Variants in STAG1 observed in about 807,000 individuals in gnomAD.
STAG1 encodes the protein STAG1 cohesin complex component, also known as cohesin subunit SA-1.
In STAG1, 26 loss-of-function variants were observed where a neutral mutation model predicts 170.9. The observed-to-expected ratio is 0.15, with a 90% CI of 0.11 to 0.21. The LOEUF (loss-of-function observed/expected upper bound fraction) is 0.21, where lower values mean the gene tolerates loss of function less well. Among genes scored for constraint, STAG1 ranks in the 10% least tolerant of loss-of-function variants. STAG1 has a pLI of 1.00. For missense variants in STAG1, 964 were observed against 1,509.5 expected, an observed-to-expected ratio of 0.64 and a Z score of 5.99; for synonymous variants, 514 against 497.7, an observed-to-expected ratio of 1.03 and a Z score of -0.44.
chr3:136,434,575 G>A (rs542224040), intron 15 of STAG1, among the ~76,000 whole-genome samples: 1 of 152,168 alleles, frequency 6.6e-6, no homozygotes, highest in African/African-American at 2.4e-5. Flanking sequence ...TTTATCTTTT[G>A]AATGATGCAA....
chr3:136,484,167 G>T (rs1576516618), intron 9 of STAG1, among the ~76,000 whole-genome samples: 1 of 149,182 alleles, frequency 6.7e-6, no homozygotes, highest in African/African-American at 2.5e-5. Flanking sequence ...GCGTTTTAGA[G>T]TTTCCAGTTT....
intron 1 of STAG1, among the ~76,000 whole-genome samples, chr3:136,635,457 G>C (rs1940513708): frequency 6.6e-6 from 1 of 152,154 alleles, no homozygotes; most frequent in African/African-American, 2.4e-5. Flanking sequence ...GAGAAATATA[G>C]GGGAACATTC....
At chr3:136,491,779 G>C (rs1249795778) in intron 9 of STAG1, among the ~76,000 whole-genome samples, 1 of 152,114 alleles carries the variant, frequency 6.6e-6, no homozygotes, top group Non-Finnish European at 1.5e-5. Flanking sequence ...GATCACCTGA[G>C]GTCAGGAGTT....
chr3:136,682,439 A>T (rs115777303), intron 1 of STAG1, among the ~76,000 whole-genome samples: 11,711 of 145,038 alleles, frequency 0.081, 483 homozygotes, highest in Non-Finnish European at 0.098. Flanking sequence ...AATTAAAAAA[A>T]AAATAAAATA....
At chr3:136,559,902 T>A (rs868202300) in intron 5 of STAG1, among the ~76,000 whole-genome samples, 1 of 152,230 alleles carries the variant, frequency 6.6e-6, no homozygotes, top group Non-Finnish European at 1.5e-5. Context: ...CTGCAGTTAT[T>A]TGAGACATGA....
chr3:136,398,100 C>A (rs2087219601), intron 22 of STAG1, among the ~76,000 whole-genome samples: 1 of 151,794 alleles, frequency 6.6e-6, no homozygotes, highest in South Asian at 2.1e-4. Flanking sequence ...GCACCCAACA[C>A]CACACCCGGC....
At chr3:136,620,324 T>C (rs541676132) in intron 3 of STAG1, among the ~76,000 whole-genome samples, 1 of 152,220 alleles carries the variant, frequency 6.6e-6, no homozygotes. Context: ...AGCTAGTTGA[T>C]AGAAAATGTC....
intron 1 of STAG1, among the ~76,000 whole-genome samples, chr3:136,726,410 A>T (rs1215165563): frequency 6.6e-6 from 1 of 152,200 alleles, no homozygotes; most frequent in Non-Finnish European, 1.5e-5. Flanking sequence ...CCCTCAGTTG[A>T]GAACCACTAA....
intron 1 of STAG1, among the ~76,000 whole-genome samples, chr3:136,695,552 T>G (rs1352192751): frequency 6.7e-6 from 1 of 149,642 alleles, no homozygotes; most frequent in Non-Finnish European, 1.5e-5. Flanking sequence ...ATTTTGTAAA[T>G]AAATCTAGGT....
At chr3:136,439,389 G>GACACACAC (rs753912835) in intron 15 of STAG1, among the ~76,000 whole-genome samples, 2,092 of 95,834 alleles carry the variant, frequency 0.022, 58 homozygotes, top group Middle Eastern at 0.056. Flanking sequence ...AACACCCCCC[G>GACACACAC]ACACACACAC....
intron 1 of STAG1, among the ~76,000 whole-genome samples, chr3:136,720,699 G>T (rs558334202): frequency 3.0e-4 from 46 of 152,162 alleles, no homozygotes; most frequent in African/African-American, 1.1e-3. Context: ...TGAGGCAGGA[G>T]AATCACTAGA....
chr3:136,376,470 C>G (rs1937613217), intron 23 of STAG1, among the ~76,000 whole-genome samples: 1 of 152,110 alleles, frequency 6.6e-6, no homozygotes, highest in African/African-American at 2.4e-5. Context: ...ACCTGCTTAC[C>G]AAACCCCACT....
intron 16 of STAG1, among the ~76,000 whole-genome samples, chr3:136,432,416 A>G (rs2088330119): frequency 6.7e-6 from 1 of 149,882 alleles, no homozygotes; most frequent in African/African-American, 2.5e-5. Context: ...GTATGGTCAC[A>G]TTTTACTGTT....
intron 1 of STAG1, among the ~76,000 whole-genome samples, chr3:136,678,282 T>C (rs1323479887): frequency 6.6e-6 from 1 of 151,464 alleles, no homozygotes; most frequent in African/African-American, 2.4e-5. Flanking sequence ...CAGTGCATAT[T>C]AGACTGTCAC....
chr3:136,686,793 G>A (rs979712193), intron 1 of STAG1, among the ~76,000 whole-genome samples: 3 of 152,154 alleles, frequency 2.0e-5, no homozygotes, highest in Non-Finnish European at 4.4e-5. Flanking sequence ...TCCATGTGTA[G>A]TAAGTAGAGG....
intron 22 of STAG1, among the ~76,000 whole-genome samples, chr3:136,396,801 C>T (rs1490749251): frequency 2.0e-5 from 3 of 152,120 alleles, no homozygotes; most frequent in Non-Finnish European, 4.4e-5. Context: ...GCTGGGATTA[C>T]AGGCGCGAGC....
chr3:136,430,696 C>A, intron 16 of STAG1, among the ~76,000 whole-genome samples: 1 of 150,536 alleles, frequency 6.6e-6, no homozygotes, highest in East Asian at 2.0e-4. Flanking sequence ...GGGCTGCATT[C>A]AAAGCTGTCC....
intron 9 of STAG1, among the ~76,000 whole-genome samples, chr3:136,499,390 G>C (rs980397459): frequency 6.6e-6 from 1 of 151,988 alleles, no homozygotes; most frequent in African/African-American, 2.4e-5. Context: ...TTTAACTCCT[G>C]GCCTCAAGTG....
rs1482698078 is a variant in STAG1, at chr3:136,336,620, G to A, written c.*1634C>T. 6.6e-6 allele frequency: 1 copy of A among 152,076 alleles called. No individual in the cohort carries two copies. Among genetic ancestry groups the A allele is most frequent in the African/African-American group, 2.4e-5 (1 of 41,440 alleles). The allele number at this position is 152,076 out of a possible 1,614,324, so 9.4% of individuals were successfully genotyped here. On this transcript the variant is annotated 3_prime_UTR_variant, in exon 34 of 34. Coordinates refer to ENST00000383202, the MANE Select transcript of STAG1 (RefSeq NM_005862.3). ...CACTTCCAGTGAAGCCCACAATTCT[G>A]GGAGAAAGTGAGGCCCCAGCTCCCC... is the stretch of plus-strand genomic sequence containing the variant.
Sources: allele counts gnomAD v4.1 joint callset (sites outside exome capture counted in the v4.1 genomes callset), GRCh38; gene constraint gnomAD v4.1.1; transcripts MANE v1.5; gene names NCBI Gene and HGNC (gene_info 2026-07-23, HGNC 2026-07-21).